The following PHC3 variants were observed in gnomAD, a reference collection of about 807,000 sequenced individuals.
PHC3 encodes the protein polyhomeotic homolog 3.
PHC3 carries 13 observed loss-of-function variants against 107.4 expected under a neutral mutation model. The ratio of observed to expected loss-of-function variants is 0.12; its 90% CI spans 0.08 to 0.19. The LOEUF (loss-of-function observed/expected upper bound fraction) is 0.19, where lower values mean the gene tolerates loss of function less well. Ranked by LOEUF, PHC3 falls within the 10% of genes least tolerant of loss-of-function variation. PHC3 has a pLI of 1.00. For missense variants in PHC3, 992 were observed against 1,210.9 expected, an observed-to-expected ratio of 0.82 and a Z score of 2.68; for synonymous variants, 456 against 427.4, an observed-to-expected ratio of 1.07 and a Z score of -0.83.
At chr3:170,134,200 A>G (rs1223766671) in intron 7 of PHC3, among the ~76,000 whole-genome samples, 3 of 151,850 alleles carry the variant, frequency 2.0e-5, no homozygotes, top group African/African-American at 7.3e-5. Context: ...ATATATATAT[A>G]TATTTTTGAG....
intron 6 of PHC3, among the ~76,000 whole-genome samples, 163 bp from the exon 7 acceptor site, chr3:170,136,828 T>A (rs932823659): frequency 4.0e-5 from 6 of 151,614 alleles, no homozygotes; most frequent in African/African-American, 1.5e-4. Context: ...GAAAGGAGAG[T>A]TATTATTCTA....
intron 5 of PHC3, 50 bp downstream of exon 5, chr3:170,149,036 G>C: frequency 6.6e-7 from 1 of 1,523,560 alleles, no homozygotes. Context: ...GAAACATTTT[G>C]ATCTCTCAAG....
At chr3:170,120,086 A>C (rs1719926404) in intron 9 of PHC3, among the ~76,000 whole-genome samples, 1 of 152,218 alleles carries the variant, frequency 6.6e-6, no homozygotes, top group Admixed American at 6.5e-5. Context: ...TTAAATCACA[A>C]CTAAAATGTA....
At chr3:170,107,979 A>T (rs1716893193) in intron 11 of PHC3, among the ~76,000 whole-genome samples, 1 of 152,178 alleles carries the variant, frequency 6.6e-6, no homozygotes, top group Non-Finnish European at 1.5e-5. Flanking sequence ...TGTGCCCAAA[A>T]GGTAGTAGGC....
intron 4 of PHC3, among the ~76,000 whole-genome samples, chr3:170,161,136 CTATT>C (rs1727824185): frequency 6.6e-6 from 1 of 152,152 alleles, no homozygotes; most frequent in Admixed American, 6.5e-5. Flanking sequence ...CACATACAAA[CTATT>C]TAAGAAACTC....
chr3:170,140,931 T>A (rs1723994411), intron 6 of PHC3, among the ~76,000 whole-genome samples: 1 of 152,070 alleles, frequency 6.6e-6, no homozygotes. Context: ...ATAACATCTT[T>A]CCAAAAATCT....
chr3:170,128,206 T>C (rs902428931), intron 8 of PHC3: 3 of 257,980 alleles, frequency 1.2e-5, no homozygotes, highest in African/African-American at 2.3e-5. Flanking sequence ...CATATAAGCA[T>C]ATCTCCAACT....
chr3:170,163,725 T>C (rs1728278282), intron 4 of PHC3, among the ~76,000 whole-genome samples: 3 of 151,246 alleles, frequency 2.0e-5, no homozygotes, highest in Non-Finnish European at 4.4e-5. Context: ...TAGCCAGGCA[T>C]GGTGGTGGGC....
At chr3:170,181,453 G>C (rs1731411381) in intron 1 of PHC3, among the ~76,000 whole-genome samples, 1 of 152,058 alleles carries the variant, frequency 6.6e-6, no homozygotes, top group South Asian at 2.1e-4. Context: ...GTGACCCTGC[G>C]CGCAGGGCCG....
Position 170,117,298 on chromosome 3 carries a change from A to C in PHC3, c.2121T>G (p.Ala707=). ...IPSIENKPPQ[A]IVKPQILTHV... ...GGGTTAGGATCTGTGGTTTAACAAT[A>C]GCCTGTGGAGGTTTGTTCTCTATAC... is the stretch of plus-strand genomic sequence containing the variant. Residue 707 remains alanine, a synonymous_variant, in exon 10 of 15, where the codon GCT becomes GCG. Transcript: ENST00000495893. The C allele has an allele frequency of 6.2e-7, 1 of 1,613,974 alleles. No homozygotes were observed. Among genetic ancestry groups the C allele is most frequent in the Non-Finnish European group, 8.5e-7 (1 of 1,179,868 alleles).
At chr3:170,100,291 G>C (rs1229894477) in intron 14 of PHC3, among the ~76,000 whole-genome samples, 1 of 152,072 alleles carries the variant, frequency 6.6e-6, no homozygotes, top group Non-Finnish European at 1.5e-5. Context: ...AAAACAAACA[G>C]CGCTTAATGA....
intron 4 of PHC3, among the ~76,000 whole-genome samples, chr3:170,160,166 GA>G (rs1727651189): frequency 6.6e-6 from 1 of 152,200 alleles, no homozygotes; most frequent in Non-Finnish European, 1.5e-5. Flanking sequence ...GAATGTGGAA[GA>G]CTAACATAGA....
chr3:170,158,253 A>G (rs1234872789), intron 4 of PHC3, among the ~76,000 whole-genome samples: 1 of 152,194 alleles, frequency 6.6e-6, no homozygotes, highest in African/African-American at 2.4e-5. Context: ...GTGATCCTTA[A>G]TTAAATATTC....
At chr3:170,169,556 T>C (rs1277070746) in intron 4 of PHC3, among the ~76,000 whole-genome samples, 1 of 152,234 alleles carries the variant, frequency 6.6e-6, no homozygotes, top group Non-Finnish European at 1.5e-5. Flanking sequence ...CTGTTCTTCC[T>C]ACTTACTTAT....
chr3:170,172,795 A>G (rs1395657731), intron 2 of PHC3, 83 bp from the exon 3 acceptor site: 1 of 1,461,822 alleles, frequency 6.8e-7, no homozygotes, highest in African/African-American at 1.4e-5. Flanking sequence ...AAAAAGTGGC[A>G]GTTTAAAATT....
At chr3:170,145,857 T>A (rs752500056) in intron 5 of PHC3, among the ~76,000 whole-genome samples, 5 of 152,188 alleles carry the variant, frequency 3.3e-5, no homozygotes, top group Non-Finnish European at 5.9e-5. Flanking sequence ...TCAGAACTAC[T>A]GTGGCAGGAT....
intron 4 of PHC3, among the ~76,000 whole-genome samples, chr3:170,151,303 T>A (rs374340700): frequency 3.4e-4 from 52 of 152,296 alleles, no homozygotes; most frequent in East Asian, 2.3e-3. Context: ...AGAATACAAT[T>A]AATAAATATT....
intron 8 of PHC3, chr3:170,128,458 G>C: frequency 1.7e-6 from 2 of 1,201,268 alleles, no homozygotes; most frequent in Middle Eastern, 2.7e-4. Flanking sequence ...AATTAACGAG[G>C]GACTTTAATT....
At chr3:170,146,429 T>C (rs1036093144) in intron 5 of PHC3, among the ~76,000 whole-genome samples, 1 of 150,822 alleles carries the variant, frequency 6.6e-6, no homozygotes, top group African/African-American at 2.4e-5. Context: ...ATGCCACACA[T>C]GTAAAAGTTC....
Sources: allele counts gnomAD v4.1 joint callset (sites outside exome capture counted in the v4.1 genomes callset), GRCh38; gene constraint gnomAD v4.1.1; transcripts MANE v1.5; gene names NCBI Gene and HGNC (gene_info 2026-07-23, HGNC 2026-07-21).